The following MDGA2 variants were observed in gnomAD, a reference collection of about 807,000 sequenced individuals.
MDGA2 encodes MAM domain-containing glycosylphosphatidylinositol anchor protein 2.
In MDGA2, 40 loss-of-function variants were observed where a neutral mutation model predicts 117.8. The observed-to-expected ratio is 0.34, with a 90% CI of 0.26 to 0.44. The LOEUF (loss-of-function observed/expected upper bound fraction) is 0.44, where lower values mean the gene tolerates loss of function less well. MDGA2 is among the 20% of genes least tolerant of loss of function. MDGA2 has a pLI of 1.00. For synonymous variants in MDGA2, 452 were observed against 439.0 expected, an observed-to-expected ratio of 1.03 and a Z score of -0.37; for missense variants, 1,123 against 1,250.6, an observed-to-expected ratio of 0.90 and a Z score of 1.54.
chr14:47,112,434 T>C (rs1011455075), intron 5 of MDGA2, among the ~76,000 whole-genome samples: 1 of 152,094 alleles, frequency 6.6e-6, no homozygotes, highest in Non-Finnish European at 1.5e-5. Context: ...TGTGTGTTGT[T>C]CTCCTCCCTG....
At chr14:46,944,435 G>A (rs896937282) in intron 9 of MDGA2, among the ~76,000 whole-genome samples, 4 of 151,510 alleles carry the variant, frequency 2.6e-5, no homozygotes, top group East Asian at 1.9e-4. Context: ...GTATTCTTAC[G>A]TGTGGTTTTC....
chr14:47,640,958 C>T (rs1897411867), intron 1 of MDGA2, among the ~76,000 whole-genome samples: 1 of 151,920 alleles, frequency 6.6e-6, no homozygotes. Context: ...AAGTACGTAT[C>T]AACCATTTCC....
At chr14:47,432,156 T>C (rs1181001790) in intron 1 of MDGA2, among the ~76,000 whole-genome samples, 1 of 152,050 alleles carries the variant, frequency 6.6e-6, no homozygotes, top group Admixed American at 6.6e-5. Context: ...TTAAAGACTG[T>C]AGAATAACTA....
At chr14:47,645,601 AT>A in intron 1 of MDGA2, among the ~76,000 whole-genome samples, 1 of 152,120 alleles carries the variant, frequency 6.6e-6, no homozygotes, top group South Asian at 2.1e-4. Context: ...TCTTATAAAA[AT>A]AATTCTTATA....
intron 1 of MDGA2, among the ~76,000 whole-genome samples, chr14:47,464,036 T>C (rs1400737952): frequency 6.6e-6 from 1 of 151,908 alleles, no homozygotes; most frequent in African/African-American, 2.4e-5. Context: ...CAAACCTCTC[T>C]AGAACAATTA....
chr14:47,598,713 TTAGAGA>T (rs1300380075), intron 1 of MDGA2, among the ~76,000 whole-genome samples: 41 of 152,160 alleles, frequency 2.7e-4, no homozygotes, highest in African/African-American at 9.4e-4. Flanking sequence ...ACAGTTTATG[TTAGAGA>T]TAATTTCTGA....
At chr14:47,155,987 G>T (rs1311640486) in intron 3 of MDGA2, among the ~76,000 whole-genome samples, 2 of 127,256 alleles carry the variant, frequency 1.6e-5, no homozygotes, top group East Asian at 5.5e-4. Flanking sequence ...TCGGCTCACT[G>T]CAACCTCCGC....
intron 1 of MDGA2, among the ~76,000 whole-genome samples, chr14:47,629,086 T>C (rs1334842354): frequency 1.3e-5 from 2 of 152,146 alleles, no homozygotes; most frequent in African/African-American, 4.8e-5. Flanking sequence ...TCCTGCATGC[T>C]AACCTCCATC....
rs1373885824 is a variant in MDGA2 at position 46,928,555 on chromosome 14, CA to C, written c.2090-8396del. Among the ~76,000 whole-genome samples, 64 of 75,492 alleles carry C rather than the reference CA, an allele frequency of 8.5e-4. No individual in the cohort carries two copies. The South Asian group carries it at 9.8e-3, about 12-fold the overall frequency. 49.5% of individuals were successfully genotyped at this position (75,492 alleles called of 152,430 possible). The stretch of plus-strand genomic sequence containing the variant: ...GTAACTCAGTATTTATTGAATAAAT[CA>C]ATCAATGAACTTTCCACATGATTTC... On this transcript the variant is annotated intron_variant, in intron 9 of 16. Coordinates refer to ENST00000399232, the MANE Select transcript of MDGA2 (RefSeq NM_001113498.3).
intron 1 of MDGA2, among the ~76,000 whole-genome samples, chr14:47,570,606 T>G (rs1290613507): frequency 1.3e-5 from 2 of 152,090 alleles, no homozygotes; most frequent in Non-Finnish European, 2.9e-5. Context: ...ACACTACACA[T>G]CTACAACCAT....
At chr14:46,866,110 C>G (rs1205126671) in intron 14 of MDGA2, among the ~76,000 whole-genome samples, 33 of 148,490 alleles carry the variant, frequency 2.2e-4, no homozygotes, top group Admixed American at 4.7e-4. Flanking sequence ...AAGAACAAAG[C>G]TGGAGGCATC....
At chr14:47,075,900 T>C (rs1291205816) in intron 6 of MDGA2, among the ~76,000 whole-genome samples, 2 of 152,160 alleles carry the variant, frequency 1.3e-5, no homozygotes, top group Admixed American at 6.5e-5. Flanking sequence ...TATGCATTTT[T>C]ACATTTCTAG....
intron 8 of MDGA2, among the ~76,000 whole-genome samples, chr14:46,999,783 T>C (rs1024751379): frequency 3.9e-5 from 6 of 152,064 alleles, no homozygotes; most frequent in African/African-American, 1.4e-4. Context: ...TTCTGAAATT[T>C]TGAATCATCC....
At chr14:47,279,659 A>T (rs8018348) in intron 2 of MDGA2, among the ~76,000 whole-genome samples, 50,110 of 150,922 alleles carry the variant, frequency 0.33, 8,466 homozygotes, top group Middle Eastern at 0.37. Context: ...GATTTTTTTT[A>T]AAAAAAAATC....
intron 1 of MDGA2, among the ~76,000 whole-genome samples, chr14:47,408,344 G>A (rs759776345): frequency 6.6e-6 from 1 of 152,106 alleles, no homozygotes; most frequent in African/African-American, 2.4e-5. Flanking sequence ...GTTAGCCACC[G>A]TGCCCAGCCG....
chr14:46,988,747 G>C (rs1409217735), intron 8 of MDGA2, among the ~76,000 whole-genome samples: 5 of 152,086 alleles, frequency 3.3e-5, no homozygotes, highest in Non-Finnish European at 1.5e-5. Flanking sequence ...TTCTCAGGTA[G>C]AATTGAAATT....
intron 1 of MDGA2, among the ~76,000 whole-genome samples, chr14:47,567,349 A>C (rs1417127365): frequency 6.6e-6 from 1 of 152,230 alleles, no homozygotes; most frequent in Non-Finnish European, 1.5e-5. Flanking sequence ...TGGCAAGCTA[A>C]AATGAGGAAC....
chr14:47,009,698 A>C (rs17641595), intron 8 of MDGA2, among the ~76,000 whole-genome samples: 1 of 152,012 alleles, frequency 6.6e-6, no homozygotes, highest in Non-Finnish European at 1.5e-5. Flanking sequence ...AATTTCCTCA[A>C]TTGGACATAC....
intron 3 of MDGA2, among the ~76,000 whole-genome samples, chr14:47,175,383 T>G (rs1884392026): frequency 6.6e-6 from 1 of 151,342 alleles, no homozygotes; most frequent in African/African-American, 2.4e-5. Context: ...TGATGAACAT[T>G]GATGCAAAAA....
Sources: gnomAD v4.1 joint callset for allele counts (sites outside exome capture counted in the v4.1 genomes callset) on GRCh38, gnomAD v4.1.1 for gene constraint, MANE v1.5 for transcripts, NCBI Gene and HGNC (gene_info 2026-07-23, HGNC 2026-07-21) for gene names.